The following ATP8A2 variants were observed in gnomAD, a reference collection of about 807,000 sequenced individuals.
ATP8A2 encodes the protein ATPase phospholipid transporting 8A2, also known as phospholipid-transporting ATPase IB.
A neutral mutation model predicts 165.6 loss-of-function variants in ATP8A2; 100 were observed. The ratio of observed to expected loss-of-function variants is 0.60; its 90% CI spans 0.51 to 0.71. The LOEUF (loss-of-function observed/expected upper bound fraction) is 0.71, where lower values mean the gene tolerates loss of function less well. ATP8A2 is among the 30% of genes least tolerant of loss of function. The pLI is 0.00. For synonymous variants in ATP8A2, 543 were observed against 548.8 expected (o/e 0.99, Z 0.15); for missense variants, 1,227 against 1,479.5 (o/e 0.83, Z 2.80).
rs921098724 is a variant in ATP8A2 at position 25,411,048 on chromosome 13, G to T, written c.76+38760G>T. ...TCTGGGCTCTTAATCTCTCAGGTAG[G>T]TCCTTCCCTTTTCCTTTCTCCTGGA... is the stretch of plus-strand genomic sequence containing the variant. On this transcript the variant is annotated intron_variant, in intron 1 of 36. Coordinates refer to ENST00000381655, the MANE Select transcript of ATP8A2 (RefSeq NM_016529.6). Among the ~76,000 whole-genome samples the T allele has an allele frequency of 2.0e-5, 3 of 152,220 alleles. No homozygotes were observed. The South Asian group carries it at 6.2e-4, about 32-fold the overall frequency.
chr13:25,940,617 GTTC>G lies in ATP8A2; in HGVS notation c.3184-20951_3184-20949del, dbSNP rs528471329. 3.5e-3 allele frequency among the ~76,000 whole-genome samples: 537 copies of G among 152,290 alleles called. 7 individuals carry two copies. Among genetic ancestry groups the G allele is most frequent in the African/African-American group, 0.012 (491 of 41,554 alleles). ...ACGAGGACTTCATGGAGGGCTGGCT[GTTC>G]TTCTTCCTCCACCTCCTAGCATAGC... On this transcript the variant is annotated intron_variant, in intron 33 of 36. Coordinates refer to ENST00000381655, the MANE Select transcript of ATP8A2 (RefSeq NM_016529.6).
chr13:25,435,954 T>TGA, intron 1 of ATP8A2, among the ~76,000 whole-genome samples: 1 of 92,618 alleles, frequency 1.1e-5, no homozygotes, highest in Non-Finnish European at 2.5e-5. Context: ...TGTGTGTGAG[T>TGA]GTGTGTGTGT....
intron 1 of ATP8A2, among the ~76,000 whole-genome samples, chr13:25,408,100 T>TAAA (rs57083418): frequency 2.7e-5 from 4 of 150,486 alleles, no homozygotes; most frequent in Non-Finnish European, 3.0e-5. Context: ...TATTTGACAT[T>TAAA]AAAAAAAAAT....
chr13:26,015,016 A>G (rs1956936291), intron 36 of ATP8A2, among the ~76,000 whole-genome samples: 1 of 152,196 alleles, frequency 6.6e-6, no homozygotes, highest in Non-Finnish European at 1.5e-5. Flanking sequence ...AACCATAGAC[A>G]GAATATACAC....
intron 24 of ATP8A2, among the ~76,000 whole-genome samples, chr13:25,643,053 G>GA (rs2041575010): frequency 6.6e-6 from 1 of 152,124 alleles, no homozygotes; most frequent in Non-Finnish European, 1.5e-5. Context: ...TCATACATCG[G>GA]ATCCTGTTGT....
At chr13:25,817,464 T>A (rs138184648) in intron 27 of ATP8A2, among the ~76,000 whole-genome samples, 1 of 151,880 alleles carries the variant, frequency 6.6e-6, no homozygotes, top group East Asian at 1.9e-4. Context: ...TTAAAGAAAA[T>A]TTTTAAATGT....
intron 35 of ATP8A2, among the ~76,000 whole-genome samples, chr13:25,997,357 T>A (rs1590427): frequency 0.24 from 37,097 of 152,190 alleles, 4,815 homozygotes; most frequent in Middle Eastern, 0.32. Context: ...CATTTCTCTT[T>A]GGCTGCCTTT....
chr13:25,505,396 G>A (rs1386636837), intron 2 of ATP8A2, among the ~76,000 whole-genome samples: 1 of 151,968 alleles, frequency 6.6e-6, no homozygotes, highest in African/African-American at 2.4e-5. Flanking sequence ...CTTAATGTCT[G>A]ATATTAGTTT....
At chr13:25,765,423 C>G (rs1459161852) in intron 25 of ATP8A2, among the ~76,000 whole-genome samples, 1 of 152,174 alleles carries the variant, frequency 6.6e-6, no homozygotes, top group Non-Finnish European at 1.5e-5. Flanking sequence ...AAACAGCCGG[C>G]TTGTGCTTCC....
chr13:25,701,517 G>A (rs1009027633), intron 25 of ATP8A2, among the ~76,000 whole-genome samples: 1 of 152,114 alleles, frequency 6.6e-6, no homozygotes, highest in Non-Finnish European at 1.5e-5. Context: ...TGATCAAGGG[G>A]TCATCCCCCT....
intron 1 of ATP8A2, among the ~76,000 whole-genome samples, chr13:25,419,344 TC>T (rs1166728756): frequency 2.6e-5 from 4 of 151,992 alleles, no homozygotes; most frequent in African/African-American, 9.7e-5. Flanking sequence ...TTTCTTTTCC[TC>T]CCCCATCACT....
At position 25,551,343 on chromosome 13, in the gene ATP8A2, A is replaced by G. The variant is rs780828471; in HGVS notation, c.897A>G (p.Ser299=). 40 of 1,613,314 alleles carry G rather than the reference A, an allele frequency of 2.5e-5. No individual in the cohort carries two copies. The highest frequency in any genetic ancestry group is 2.8e-5 in the Non-Finnish European group (33 of 1,179,570). The part of the protein sequence containing the change: ...TGHDTKLMQN[S]TKAPLKRSNV... The stretch of plus-strand genomic sequence containing the variant: ...CTTTCAATGCTGTTGTGTAGAATTC[A>G]ACCAAAGCGCCTCTCAAGAGATCAA... The change falls in exon 11 of 37, where the codon TCA becomes TCG. Residue 299 remains serine (S), a synonymous_variant. Coordinates refer to ENST00000381655, the MANE Select transcript of ATP8A2 (RefSeq NM_016529.6).
At chr13:25,465,715 C>CTTTCTTTCTTTCT (rs1566153329) in intron 1 of ATP8A2, among the ~76,000 whole-genome samples, 19 of 42,346 alleles carry the variant, frequency 4.5e-4, no homozygotes, top group South Asian at 1.1e-3. Context: ...TTCTTTCTTT[C>CTTTCTTTCTTTCT]TTTCTTTCTT....
intron 5 of ATP8A2, 24 bp from the exon 6 acceptor site, chr13:25,533,249 A>G: frequency 7.5e-7 from 1 of 1,324,524 alleles, no homozygotes; most frequent in Non-Finnish European, 1.1e-6. Flanking sequence ...GTATTAACCA[A>G]TATTTTATTT....
intron 1 of ATP8A2, among the ~76,000 whole-genome samples, chr13:25,461,853 AG>A (rs59809962): frequency 0.068 from 1,526 of 22,448 alleles, 13 homozygotes; most frequent in African/African-American, 0.094. Flanking sequence ...GAGAAGAAGA[AG>A]GAGGAGGAGG....
chr13:25,931,661 T>C (rs1034306549), intron 33 of ATP8A2, among the ~76,000 whole-genome samples: 13 of 151,972 alleles, frequency 8.6e-5, no homozygotes, highest in African/African-American at 3.1e-4. Context: ...TGGAAGTAAA[T>C]TAGAAGGAGC....
intron 33 of ATP8A2, among the ~76,000 whole-genome samples, chr13:25,888,073 C>G (rs892432693): frequency 2.3e-5 from 3 of 133,010 alleles, no homozygotes; most frequent in East Asian, 5.4e-4. Flanking sequence ...CCCAGACCCC[C>G]CCCCCGCCCC....
In ATP8A2 at chr13:25,420,531, T is replaced by C. The variant is rs576627550; in HGVS notation, c.76+48243T>C. Reference sequence around the variant, plus strand: ...ATTTGGTGACTACAAAATAAAATTTTTGGTGATAATTGAAATGAGCTTCAT... The same window carrying C: ...ATTTGGTGACTACAAAATAAAATTTCTGGTGATAATTGAAATGAGCTTCAT... On this transcript the variant is annotated intron_variant, in intron 1 of 36. Transcript: ENST00000381655. 2.0e-5 allele frequency among the ~76,000 whole-genome samples: 3 copies of C among 152,366 alleles called. No homozygotes were observed. The South Asian group carries it at 6.2e-4, about 32-fold the overall frequency.
chr13:25,809,747 G>C (rs555911834), intron 27 of ATP8A2, among the ~76,000 whole-genome samples: 14 of 152,120 alleles, frequency 9.2e-5, no homozygotes, highest in African/African-American at 3.4e-4. Context: ...TGTCCTCACT[G>C]GTCCATAGGT....
Sources: allele counts gnomAD v4.1 joint callset (sites outside exome capture counted in the v4.1 genomes callset), GRCh38; gene constraint gnomAD v4.1.1; transcripts MANE v1.5; gene names NCBI Gene and HGNC (gene_info 2026-07-23, HGNC 2026-07-21).